MLLT10: variants seen among roughly 807,000 people sequenced by gnomAD.
The protein encoded by MLLT10 is protein AF-10.
Under a neutral mutation model 129.1 loss-of-function variants are expected in MLLT10, and 30 were observed. The observed-to-expected ratio is 0.23, with a 90% CI of 0.17 to 0.32. MLLT10 has a LOEUF of 0.32. Ranked by LOEUF, MLLT10 falls within the 10% of genes least tolerant of loss-of-function variation. The pLI is 1.00. For missense variants in MLLT10, 1,119 were observed against 1,268.3 expected (o/e 0.88, Z 1.79); for synonymous variants, 490 against 446.4 (o/e 1.10, Z -1.23).
At chr10:21,683,106 C>T (rs1293264882) in intron 13 of MLLT10, among the ~76,000 whole-genome samples, 2 of 152,012 alleles carry the variant, frequency 1.3e-5, no homozygotes, top group African/African-American at 4.8e-5. Context: ...ATTTGTGTTG[C>T]GTTTGGGTTT....
At chr10:21,610,528 A>G (rs2044497616) in intron 5 of MLLT10, among the ~76,000 whole-genome samples, 1 of 152,034 alleles carries the variant, frequency 6.6e-6, no homozygotes. Flanking sequence ...TCGGTAGGAC[A>G]ATTCCAGAGA....
chr10:21,550,838 A>G (rs2130947005), intron 3 of MLLT10, among the ~76,000 whole-genome samples: 1 of 151,186 alleles, frequency 6.6e-6, no homozygotes, highest in South Asian at 2.1e-4. Context: ...GGCCTTATTT[A>G]GCTTTAAAGT....
At chr10:21,582,275 A>G (rs1398652281) in intron 3 of MLLT10, among the ~76,000 whole-genome samples, 5 of 152,030 alleles carry the variant, frequency 3.3e-5, no homozygotes, top group Non-Finnish European at 7.4e-5. Flanking sequence ...GTGCCACCAC[A>G]TGCAGCTAAT....
intron 3 of MLLT10, among the ~76,000 whole-genome samples, chr10:21,582,236 G>A (rs1257227016): frequency 6.6e-6 from 1 of 151,814 alleles, no homozygotes; most frequent in Non-Finnish European, 1.5e-5. Context: ...TTGTGCCTTA[G>A]CCTCCTGCTT....
At chr10:21,595,255 A>G (rs1289343742) in intron 4 of MLLT10, 76 bp from the exon 5 acceptor site, 1 of 1,001,034 alleles carries the variant, frequency 1.0e-6, no homozygotes, top group East Asian at 2.4e-5. Flanking sequence ...CATTTAAGGG[A>G]TCTGTTAAGG....
intron 9 of MLLT10, among the ~76,000 whole-genome samples, chr10:21,661,242 T>C (rs2050168372): frequency 6.6e-6 from 1 of 152,204 alleles, no homozygotes; most frequent in Non-Finnish European, 1.5e-5. Context: ...TAATGTTCCA[T>C]GTAAGCTGGA....
Position 21,534,306 on chromosome 10 carries a change from G to C in MLLT10, c.-215G>C, listed in dbSNP as rs1393824348. The C allele has an allele frequency of 9.0e-6, 3 of 333,218 alleles. No individual in the cohort carries two copies. The highest frequency in any genetic ancestry group is 1.6e-5 in the Non-Finnish European group (3 of 185,086). The allele number at this position is 333,218 out of a possible 1,614,324, so 20.6% of individuals were successfully genotyped here. ...CCTCGCTGCCCCTGGCCCAGCGGGAGCCCCCCCTCCCCCCAGTGCGCCTGT... is the reference window on the plus strand; with the variant it reads ...CCTCGCTGCCCCTGGCCCAGCGGGACCCCCCCCTCCCCCCAGTGCGCCTGT... On this transcript the variant is annotated 5_prime_UTR_variant, in exon 1 of 23. Transcript: ENST00000307729.
intron 5 of MLLT10, among the ~76,000 whole-genome samples, chr10:21,607,489 T>C (rs1340590591): frequency 6.6e-6 from 1 of 152,000 alleles, no homozygotes; most frequent in African/African-American, 2.4e-5. Context: ...CTCAGCTAAT[T>C]TTGTATTTTT....
intron 13 of MLLT10, 111 bp from the exon 14 acceptor site, chr10:21,713,661 G>T (rs1307330297): frequency 2.2e-6 from 2 of 895,380 alleles, no homozygotes; most frequent in East Asian, 5.3e-5. Context: ...GCAACAATAA[G>T]ATTTATAATT....
At chr10:21,623,620 C>T (rs2046124395) in intron 8 of MLLT10, among the ~76,000 whole-genome samples, 1 of 152,190 alleles carries the variant, frequency 6.6e-6, no homozygotes, top group African/African-American at 2.4e-5. Context: ...ACAAGTGATA[C>T]ATAGAATGAA....
At chr10:21,723,093 G>T (rs2057245884) in intron 14 of MLLT10, among the ~76,000 whole-genome samples, 1 of 152,022 alleles carries the variant, frequency 6.6e-6, no homozygotes. Flanking sequence ...TTCATTTATT[G>T]TATCAACTTT....
chr10:21,652,493 A>G (rs2049143113), intron 9 of MLLT10, among the ~76,000 whole-genome samples: 1 of 152,186 alleles, frequency 6.6e-6, no homozygotes, highest in Non-Finnish European at 1.5e-5. Flanking sequence ...TTAGAACAGT[A>G]TTTGGTTCAT....
At chr10:21,549,464 CT>C (rs1274593325) in intron 3 of MLLT10, among the ~76,000 whole-genome samples, 2 of 152,078 alleles carry the variant, frequency 1.3e-5, no homozygotes, top group Non-Finnish European at 2.9e-5. Context: ...TGACAGCTCT[CT>C]TAAGTCACTA....
At chr10:21,629,468 G>T (rs1277871819) in intron 8 of MLLT10, among the ~76,000 whole-genome samples, 4 of 152,130 alleles carry the variant, frequency 2.6e-5, no homozygotes, top group Middle Eastern at 3.4e-3. Flanking sequence ...GATCATTGGG[G>T]GCATGGAGGC....
chr10:21,648,303 A>G (rs141260482), intron 8 of MLLT10, among the ~76,000 whole-genome samples: 377 of 152,292 alleles, frequency 2.5e-3, no homozygotes, highest in African/African-American at 8.3e-3. Context: ...TGCAGGATAC[A>G]TTTCTTGATG....
intron 5 of MLLT10, 177 bp downstream of exon 5, chr10:21,595,617 TA>T (rs775302909): frequency 4.7e-5 from 23 of 491,690 alleles, no homozygotes; most frequent in Non-Finnish European, 7.9e-5. Context: ...GTCACAGGAG[TA>T]CAAAGCAAGC....
intron 3 of MLLT10, among the ~76,000 whole-genome samples, chr10:21,564,856 G>C (rs1413223924): frequency 1.3e-5 from 2 of 151,426 alleles, no homozygotes; most frequent in Non-Finnish European, 3.0e-5. Flanking sequence ...TCCACTCTTG[G>C]TGAGTGGAAT....
At chr10:21,738,094 C>T (rs576551917) in intron 21 of MLLT10, among the ~76,000 whole-genome samples, 1 of 151,798 alleles carries the variant, frequency 6.6e-6, no homozygotes, top group South Asian at 2.1e-4. Context: ...GTGGTGAAAC[C>T]CCGTCTCTAC....
chr10:21,645,749 T>A (rs747539644), intron 8 of MLLT10, among the ~76,000 whole-genome samples: 1 of 152,376 alleles, frequency 6.6e-6, no homozygotes, highest in Non-Finnish European at 1.5e-5. Flanking sequence ...ACAGATTACA[T>A]ACGTACTCTT....
Sources: allele counts gnomAD v4.1 joint callset (sites outside exome capture counted in the v4.1 genomes callset), GRCh38; gene constraint gnomAD v4.1.1; transcripts MANE v1.5; gene names NCBI Gene and HGNC (gene_info 2026-07-23, HGNC 2026-07-21).